GRIA2: variants seen among roughly 807,000 people sequenced by gnomAD.
GRIA2 encodes glutamate ionotropic receptor AMPA type subunit 2.
Under a neutral mutation model 97.3 loss-of-function variants are expected in GRIA2, and 14 were observed. The observed-to-expected ratio is 0.14, with a 90% CI of 0.10 to 0.23. The LOEUF is 0.23. Among genes scored for constraint, GRIA2 ranks in the 10% least tolerant of loss-of-function variants. GRIA2 has a pLI of 1.00. For synonymous variants in GRIA2, 412 were observed against 387.8 expected, an observed-to-expected ratio of 1.06 and a Z score of -0.73; for missense variants, 558 against 1,069.8, an observed-to-expected ratio of 0.52 and a Z score of 6.67.
intron 12 of GRIA2, among the ~76,000 whole-genome samples, chr4:157,354,680 G>A (rs1272898561): frequency 6.6e-6 from 1 of 152,136 alleles, no homozygotes; most frequent in African/African-American, 2.4e-5. Context: ...TAGAAATCAA[G>A]AGAAACTACC....
At chr4:157,345,488 C>G (rs533667054) in intron 12 of GRIA2, among the ~76,000 whole-genome samples, 1 of 152,200 alleles carries the variant, frequency 6.6e-6, no homozygotes, top group African/African-American at 2.4e-5. Context: ...TTATAAGCCA[C>G]TATTTTTAGA....
rs144787351 is a variant in GRIA2 at position 157,327,363 on chromosome 4, A to G, written c.883-5456A>G. On this transcript the variant is annotated intron_variant, in intron 6 of 15. Coordinates refer to ENST00000264426, the MANE Select transcript of GRIA2 (RefSeq NM_001083619.3). ...CATAGATTTCTGCATGTGTCCTCTT[A>G]TTGAGCCCTGACAGAAAAGCAATGA... Among the ~76,000 whole-genome samples the G allele has an allele frequency of 4.6e-3, 694 of 152,266 alleles. 8 individuals are homozygous for G. The highest frequency in any genetic ancestry group is 0.013 in the African/African-American group (561 of 41,560).
At chr4:157,320,595 A>G (rs1459674367) in intron 5 of GRIA2, among the ~76,000 whole-genome samples, 1 of 152,092 alleles carries the variant, frequency 6.6e-6, no homozygotes, top group East Asian at 1.9e-4. Flanking sequence ...TAATATAATA[A>G]TATGCATGTT....
rs375321580 is a variant in GRIA2 at position 157,285,339 on chromosome 4, C to T, written c.230-18213C>T. Reference sequence around the variant, plus strand: ...TCACTTATATTGGATACAGATATCTCGATTAATGTTGTGATTTGCCTTTAT... The same window carrying T: ...TCACTTATATTGGATACAGATATCTTGATTAATGTTGTGATTTGCCTTTAT... On this transcript the variant is annotated intron_variant, in intron 2 of 15. Transcript: ENST00000264426. Among the ~76,000 whole-genome samples the T allele has an allele frequency of 5.3e-5, 8 of 151,434 alleles. No homozygotes were observed. In the East Asian group the frequency reaches 5.8e-4, roughly 11 times the overall value.
At chr4:157,279,518 A>G (rs562968707) in intron 2 of GRIA2, among the ~76,000 whole-genome samples, 1 of 152,226 alleles carries the variant, frequency 6.6e-6, no homozygotes, top group African/African-American at 2.4e-5. Flanking sequence ...AGATTCATTA[A>G]TTGTAACAAA....
In GRIA2 at chr4:157,291,436, T is replaced by C. The variant is rs560101329; in HGVS notation, c.230-12116T>C. Among the ~76,000 whole-genome samples the C allele has an allele frequency of 1.2e-4, 18 of 152,094 alleles. 1 individual carries two copies. The highest frequency in any genetic ancestry group is 4.3e-4 in the African/African-American group (18 of 41,552). Reference sequence around the variant, plus strand: ...ATGTTATGTAACTTGCAATATATTTTCTCCTATTTTTTTTAATTGGCTGAG... The same window carrying C: ...ATGTTATGTAACTTGCAATATATTTCCTCCTATTTTTTTTAATTGGCTGAG... On this transcript the variant is annotated intron_variant, in intron 2 of 15. Coordinates refer to ENST00000264426, the MANE Select transcript of GRIA2 (RefSeq NM_001083619.3).
At chr4:157,339,970 C>T (rs1260558992) in intron 11 of GRIA2, among the ~76,000 whole-genome samples, 1 of 151,340 alleles carries the variant, frequency 6.6e-6, no homozygotes, top group African/African-American at 2.4e-5. Flanking sequence ...TGATAAAGTC[C>T]CTTAATTATA....
At chr4:157,316,652 T>A (rs780609533) in intron 4 of GRIA2, among the ~76,000 whole-genome samples, 6 of 152,100 alleles carry the variant, frequency 3.9e-5, no homozygotes, top group Non-Finnish European at 7.4e-5. Context: ...AAAGGGCCAA[T>A]GTGACTTGAG....
At chr4:157,357,346 C>A (rs1444798868) in intron 12 of GRIA2, among the ~76,000 whole-genome samples, 1 of 151,964 alleles carries the variant, frequency 6.6e-6, no homozygotes, top group Non-Finnish European at 1.5e-5. Flanking sequence ...TAAATATGTT[C>A]AAACAATAGC....
chr4:157,303,250 T>G (rs769171402), intron 2 of GRIA2, among the ~76,000 whole-genome samples: 125 of 152,316 alleles, frequency 8.2e-4, no homozygotes, highest in Non-Finnish European at 2.9e-4. Flanking sequence ...CTAATTTTTT[T>G]TACCCATACA....
Position 157,248,602 on chromosome 4 carries a change from T to C in GRIA2, c.229+26795T>C, listed in dbSNP as rs555067928. 5.1e-3 allele frequency among the ~76,000 whole-genome samples: 641 copies of C among 126,054 alleles called. 7 individuals carry two copies. Among genetic ancestry groups the C allele is most frequent in the African/African-American group, 8.9e-3 (281 of 31,466 alleles). The allele number at this position is 126,054 out of a possible 152,430, so 82.7% of individuals were successfully genotyped here. A position where few individuals can be genotyped will look rare whatever the true frequency, so the allele number is the denominator to read the frequency against. On this transcript the variant is annotated intron_variant, in intron 2 of 15. Transcript: ENST00000264426. The stretch of plus-strand genomic sequence containing the variant: ...ATATACGTGTATATATGTATATATA[T>C]GTATATATACATGTATATATACGTA...
At chr4:157,223,838 C>A (rs765918699) in intron 2 of GRIA2, among the ~76,000 whole-genome samples, 1 of 152,130 alleles carries the variant, frequency 6.6e-6, no homozygotes, top group Non-Finnish European at 1.5e-5. Context: ...TGTCCATTGA[C>A]AAAATGAATA....
chr4:157,316,747 G>A (rs1186829430), intron 4 of GRIA2, among the ~76,000 whole-genome samples: 2 of 152,162 alleles, frequency 1.3e-5, no homozygotes, highest in African/African-American at 4.8e-5. Context: ...CATTTAATCA[G>A]AGAAATGATT....
At chr4:157,314,884 G>A (rs1357563493) in intron 4 of GRIA2, among the ~76,000 whole-genome samples, 1 of 152,140 alleles carries the variant, frequency 6.6e-6, no homozygotes, top group Non-Finnish European at 1.5e-5. Flanking sequence ...AATGAGGGAT[G>A]CAAAGAAAGG....
chr4:157,323,521 C>G (rs1734677852), intron 6 of GRIA2, among the ~76,000 whole-genome samples: 1 of 151,880 alleles, frequency 6.6e-6, no homozygotes, highest in African/African-American at 2.4e-5. Flanking sequence ...TTGCAGGCTT[C>G]CGTCCATTCA....
At position 157,364,501 on chromosome 4, in the gene GRIA2, A is replaced by G. The variant is rs1439255417; in HGVS notation, c.*1070A>G. ...TATATATAAAGAAATATTTGTTAAC[A>G]CAAAAGCATTTGATCTATGTAGATA... On this transcript the variant is annotated 3_prime_UTR_variant, in exon 16 of 16. Coordinates refer to ENST00000264426, the MANE Select transcript of GRIA2 (RefSeq NM_001083619.3). 2 of 151,984 alleles carry G rather than the reference A, an allele frequency of 1.3e-5. No homozygotes were observed. Among genetic ancestry groups the G allele is most frequent in the Admixed American group, 1.3e-4 (2 of 15,198 alleles). The allele number at this position is 151,984 out of a possible 1,614,324, so 9.4% of individuals were successfully genotyped here.
Position 157,245,341 on chromosome 4 carries a change from A to G in GRIA2, c.229+23534A>G, listed in dbSNP as rs1021697266. 7.2e-5 allele frequency among the ~76,000 whole-genome samples: 11 copies of G among 152,206 alleles called. 1 individual carries two copies. The South Asian group carries it at 2.3e-3, about 32-fold the overall frequency. On this transcript the variant is annotated intron_variant, in intron 2 of 15. Coordinates refer to ENST00000264426, the MANE Select transcript of GRIA2 (RefSeq NM_001083619.3). ...AACTCTACCTTGCTTGTGGAAAAAA[A>G]ATACACTCTGCTTTTCCTTTCTCTA...
intron 2 of GRIA2, among the ~76,000 whole-genome samples, chr4:157,265,591 T>C (rs1046463797): frequency 4.6e-5 from 7 of 152,098 alleles, no homozygotes; most frequent in Non-Finnish European, 1.0e-4. Context: ...TCTGCTGCAT[T>C]CTATTGGCTA....
intron 12 of GRIA2, among the ~76,000 whole-genome samples, chr4:157,346,701 G>A (rs1735779705): frequency 6.6e-6 from 1 of 151,986 alleles, no homozygotes; most frequent in Non-Finnish European, 1.5e-5. Context: ...AAATAGCATC[G>A]TATACATATG....
Sources: allele counts gnomAD v4.1 joint callset (sites outside exome capture counted in the v4.1 genomes callset), GRCh38; gene constraint gnomAD v4.1.1; transcripts MANE v1.5; gene names NCBI Gene and HGNC (gene_info 2026-07-23, HGNC 2026-07-21).